The following SHISA6 variants were observed in gnomAD, a reference collection of about 807,000 sequenced individuals.
SHISA6 encodes the protein protein shisa-6.
SHISA6 carries 22 observed loss-of-function variants against 47.9 expected under a neutral mutation model. The ratio of observed to expected loss-of-function variants is 0.46; its 90% CI spans 0.33 to 0.66. SHISA6 has a LOEUF of 0.66. Ranked by LOEUF, SHISA6 falls within the 30% of genes least tolerant of loss-of-function variation. The pLI is 0.02. For synonymous variants in SHISA6, 388 were observed against 337.8 expected (o/e 1.15, Z -1.63); for missense variants, 680 against 764.6 (o/e 0.89, Z 1.30).
At position 11,552,783 on chromosome 17, in the gene SHISA6, T is replaced by C. The variant is rs73288822; in HGVS notation, c.952+831T>C. On this transcript the variant is annotated intron_variant, in intron 4 of 5. Transcript: ENST00000441885. ...ATTAGGAGGAAGAGATTGGAATATT[T>C]TCATGTGCTATGCTCCAGGTGGAAA... Among the ~76,000 whole-genome samples the C allele has an allele frequency of 5.6e-3, 850 of 152,302 alleles. 5 individuals are homozygous for C. Among genetic ancestry groups the C allele is most frequent in the African/African-American group, 0.019 (799 of 41,564 alleles).
chr17:11,351,141 G>C (rs997260520), intron 2 of SHISA6, among the ~76,000 whole-genome samples: 2 of 151,996 alleles, frequency 1.3e-5, no homozygotes, highest in Non-Finnish European at 2.9e-5. Context: ...GGGCCTGTTG[G>C]GGGGTGGGGA....
At chr17:11,299,872 G>A (rs1042695983) in intron 2 of SHISA6, among the ~76,000 whole-genome samples, 1 of 152,126 alleles carries the variant, frequency 6.6e-6, no homozygotes, top group African/African-American at 2.4e-5. Context: ...CAGGTCAGGT[G>A]CGGTGGCTCA....
At position 11,241,902 on chromosome 17, in the gene SHISA6, G is replaced by A. The variant is rs926156407; in HGVS notation, c.480G>A (p.Ser160=). 8.4e-6 allele frequency: 13 copies of A among 1,550,930 alleles called. No individual in the cohort carries two copies. The highest frequency in any genetic ancestry group is 1.4e-5 in the African/African-American group (1 of 73,050). Residue 160 remains serine, a synonymous_variant, in exon 1 of 6, where the codon TCG becomes TCA. Transcript: ENST00000441885. This position sits in a 1 kb window ranked among gnomAD's most constrained non-coding sequence, Gnocchi z 5.5. ...WVQTPSTKVV[S]PGPENKYDPE... is the part of the protein sequence containing the mutation. ...AGACGCCCAGCACCAAGGTGGTGTC[G>A]CCGGGGCCCGAGAACAAGTACGACC...
At chr17:11,304,224 C>T (rs923259009) in intron 2 of SHISA6, among the ~76,000 whole-genome samples, 1 of 152,174 alleles carries the variant, frequency 6.6e-6, no homozygotes, top group Non-Finnish European at 1.5e-5. Context: ...CTGGAGGGGT[C>T]AGTGCCTGGA....
chr17:11,312,308 A>G (rs1567569197), intron 2 of SHISA6, among the ~76,000 whole-genome samples: 1 of 152,160 alleles, frequency 6.6e-6, no homozygotes, highest in East Asian at 1.9e-4. Context: ...TTATTAAATT[A>G]TAAAAACTAT....
chr17:11,513,554 G>T (rs1015217580), intron 3 of SHISA6, among the ~76,000 whole-genome samples: 1 of 152,160 alleles, frequency 6.6e-6, no homozygotes, highest in Non-Finnish European at 1.5e-5. Context: ...TCTGGAAGCT[G>T]ACTTGCATAA....
chr17:11,325,135 C>T (rs767221174), intron 2 of SHISA6, among the ~76,000 whole-genome samples: 20 of 152,116 alleles, frequency 1.3e-4, no homozygotes, highest in Non-Finnish European at 2.1e-4. Context: ...TGGATCCAGG[C>T]GAGGATCACC....
intron 3 of SHISA6, among the ~76,000 whole-genome samples, chr17:11,506,712 A>G (rs538991578): frequency 5.4e-4 from 83 of 152,340 alleles, no homozygotes; most frequent in Admixed American, 2.4e-3. Context: ...CAGTGATTCC[A>G]TGCCACATAA....
chr17:11,316,577 C>T (rs950917170), intron 2 of SHISA6, among the ~76,000 whole-genome samples: 4 of 151,852 alleles, frequency 2.6e-5, no homozygotes, highest in Admixed American at 2.6e-4. Flanking sequence ...CGTGCCACCA[C>T]GCCCGGCTAA....
chr17:11,294,843 A>G (rs914626920), intron 2 of SHISA6, among the ~76,000 whole-genome samples: 3 of 152,224 alleles, frequency 2.0e-5, no homozygotes, highest in Admixed American at 6.5e-5. Flanking sequence ...TTCTTTCTGT[A>G]TTAAGTTGAG....
chr17:11,404,704 C>G (rs79302635), intron 3 of SHISA6, among the ~76,000 whole-genome samples: 1 of 152,200 alleles, frequency 6.6e-6, no homozygotes, highest in Non-Finnish European at 1.5e-5. Flanking sequence ...TACACCCCCA[C>G]GTACAGACGA....
intron 3 of SHISA6, among the ~76,000 whole-genome samples, chr17:11,490,743 T>C (rs1444145833): frequency 6.6e-6 from 1 of 152,134 alleles, no homozygotes; most frequent in Non-Finnish European, 1.5e-5. Context: ...TTCCTCCAGA[T>C]TGTGTGTAAA....
chr17:11,316,109 A>G (rs1280573425), intron 2 of SHISA6, among the ~76,000 whole-genome samples: 1 of 151,740 alleles, frequency 6.6e-6, no homozygotes, highest in African/African-American at 2.4e-5. Context: ...AATTTTGTCT[A>G]GTTTATCTAA....
chr17:11,518,831 T>C (rs1394970400), intron 3 of SHISA6, among the ~76,000 whole-genome samples: 2 of 152,212 alleles, frequency 1.3e-5, no homozygotes, highest in East Asian at 1.9e-4. Context: ...GATTATTTTG[T>C]ACCTTCTGTT....
intron 3 of SHISA6, among the ~76,000 whole-genome samples, chr17:11,447,803 G>C (rs1466039353): frequency 6.6e-6 from 1 of 152,160 alleles, no homozygotes; most frequent in Non-Finnish European, 1.5e-5. Context: ...TTGGTGGCTG[G>C]CATGTTTTGC....
rs1001609857 is a variant in SHISA6, at chr17:11,563,301, G to A, written c.*4997G>A. ...GGACACTGAGGCTCCATTCCAACTG[G>A]AGGAGGAGGCATCTCCATCTGGGCT... On this transcript the variant is annotated 3_prime_UTR_variant, in exon 6 of 6. Coordinates refer to ENST00000441885, the MANE Select transcript of SHISA6 (RefSeq NM_207386.4). 1 of 152,200 alleles carries A rather than the reference G, an allele frequency of 6.6e-6. No homozygotes were observed. Among genetic ancestry groups the A allele is most frequent in the African/African-American group, 2.4e-5 (1 of 41,450 alleles). 9.4% of individuals were successfully genotyped at this position (152,200 alleles called of 1,614,324 possible). A position where few individuals can be genotyped will look rare whatever the true frequency, so the allele number is the denominator to read the frequency against.
intron 3 of SHISA6, among the ~76,000 whole-genome samples, chr17:11,456,883 C>A (rs1915553121): frequency 1.3e-5 from 2 of 152,180 alleles, no homozygotes; most frequent in Non-Finnish European, 2.9e-5. Context: ...TGTACCCTGG[C>A]CATTCAACTG....
intron 3 of SHISA6, among the ~76,000 whole-genome samples, chr17:11,404,807 C>A (rs1913894311): frequency 6.6e-6 from 1 of 152,192 alleles, no homozygotes; most frequent in Non-Finnish European, 1.5e-5. Context: ...GATGACCTCG[C>A]CTTTGGGCTC....
In SHISA6 at chr17:11,543,381, G is replaced by A. The variant is rs994867564; in HGVS notation, c.896-8515G>A. ...ATTAGTTAATTCTGAGGATTGTGAT[G>A]AGGTGAGACACATATGCAATCCCTA... is the stretch of plus-strand genomic sequence containing the variant. On this transcript the variant is annotated intron_variant, in intron 3 of 5. Transcript: ENST00000441885. Among the ~76,000 whole-genome samples, 74 of 152,266 alleles carry A rather than the reference G, an allele frequency of 4.9e-4. 1 individual carries two copies. Among genetic ancestry groups the A allele is most frequent in the African/African-American group, 1.7e-3 (72 of 41,554 alleles).
Sources: gnomAD v4.1 joint callset for allele counts (sites outside exome capture counted in the v4.1 genomes callset) on GRCh38, gnomAD v4.1.1 for gene constraint, Gnocchi (gnomAD v3.1) non-coding constraint, MANE v1.5 for transcripts, NCBI Gene and HGNC (gene_info 2026-07-23, HGNC 2026-07-21) for gene names.